Variants in CYP2C18 observed in about 807,000 individuals in gnomAD.
CYP2C18 encodes the protein cytochrome P450 family 2 subfamily C member 18, also known as cytochrome P450 2C18.
CYP2C18 carries 38 observed loss-of-function variants against 41.3 expected under a neutral mutation model. That is an observed-to-expected ratio of 0.92 (90% confidence interval 0.71 to 1.21). The LOEUF (loss-of-function observed/expected upper bound fraction) is 1.21, where lower values mean the gene tolerates loss of function less well. Ranked by LOEUF, CYP2C18 falls within the 50% of genes most tolerant of loss-of-function variation. The probability of loss-of-function intolerance (pLI) is 0.00; values close to 1 mark genes in which losing one functional copy is unlikely to be tolerated. For missense variants in CYP2C18, 635 were observed against 591.4 expected (o/e 1.07, Z -0.77); for synonymous variants, 236 against 210.0 (o/e 1.12, Z -1.07).
rs760761727 is a variant in CYP2C18, at chr10:94,733,317, C to T, written c.1170C>T (p.Ser390=). 3 of 1,612,792 alleles carry T rather than the reference C, an allele frequency of 1.9e-6. No individual in the cohort carries two copies. Among genetic ancestry groups the T allele is most frequent in the East Asian group, 2.2e-5 (1 of 44,812 alleles). Residue 390 remains serine, a synonymous_variant, in exon 8 of 9, where the codon TCC becomes TCT. Transcript: ENST00000285979. ...TTCAGGGCACGACCATAATAACATCCCTGACTTCTGTGCTGCACAATGACA... is the reference window on the plus strand; with the variant it reads ...TTCAGGGCACGACCATAATAACATCTCTGACTTCTGTGCTGCACAATGACA... ...LIPKGTTIIT[S]LTSVLHNDKE...
At chr10:94,732,623 A>T (rs985433438) in intron 7 of CYP2C18, among the ~76,000 whole-genome samples, 10 of 152,212 alleles carry the variant, frequency 6.6e-5, no homozygotes, top group African/African-American at 2.4e-4. Context: ...CAAATACACC[A>T]GGAAACCCTA....
At chr10:94,723,155 T>C (rs754408202) in intron 6 of CYP2C18, among the ~76,000 whole-genome samples, 2 of 152,156 alleles carry the variant, frequency 1.3e-5, no homozygotes, top group Non-Finnish European at 2.9e-5. Context: ...TATTTTCAGA[T>C]CTGCATTTGG....
In CYP2C18 at chr10:94,683,841, G is replaced by A. The variant is rs779070771; in HGVS notation, c.22G>A (p.Val8Met). 11 of 1,605,402 alleles carry A rather than the reference G, an allele frequency of 6.9e-6. No homozygotes were observed. The Admixed American group carries it at 1.4e-4, about 20-fold the overall frequency. MDPAVAL[V>M]LCLSCLFLLS... ...TTCAATGGATCCAGCTGTGGCTCTG[G>A]TGCTCTGTCTCTCCTGTTTGTTTCT... Residue 8 changes from valine (V) to methionine (M), a missense_variant, in exon 1 of 9, where the codon GTG (valine) becomes ATG (methionine). Val to Met is a conservative substitution (Grantham distance 21, BLOSUM62 1). Coordinates refer to ENST00000285979, the MANE Select transcript of CYP2C18 (RefSeq NM_000772.3).
At position 94,707,586 on chromosome 10, in the gene CYP2C18, G is replaced by A. The variant is rs113474070; in HGVS notation, c.819+626G>A. On this transcript the variant is annotated intron_variant, in intron 5 of 8. Coordinates refer to ENST00000285979, the MANE Select transcript of CYP2C18 (RefSeq NM_000772.3). ...GTGAGCCCTAACAAGAGTGGGATGC[G>A]TATAATTATTAGAGAAAATAATCCT... Among the ~76,000 whole-genome samples the A allele has an allele frequency of 4.0e-3, 604 of 152,180 alleles. 3 individuals carry two copies. The highest frequency in any genetic ancestry group is 0.013 in the African/African-American group (542 of 41,522).
At chr10:94,721,573 G>A (rs1308353948) in intron 6 of CYP2C18, among the ~76,000 whole-genome samples, 1 of 151,928 alleles carries the variant, frequency 6.6e-6, no homozygotes, top group African/African-American at 2.4e-5. Context: ...AGTGTACATT[G>A]TTCCCAATAG....
chr10:94,732,890 ACCT>A (rs1564650362), intron 7 of CYP2C18, among the ~76,000 whole-genome samples: 1 of 152,022 alleles, frequency 6.6e-6, no homozygotes, highest in Non-Finnish European at 1.5e-5. Context: ...TGTACCCTAA[ACCT>A]CAGCATCACA....
At chr10:94,718,851 C>A (rs12771899) in intron 5 of CYP2C18, among the ~76,000 whole-genome samples, 30,475 of 152,006 alleles carry the variant, frequency 0.2, 3,250 homozygotes, top group Middle Eastern at 0.23. Flanking sequence ...CTGTGGGGAA[C>A]CTTAGAGTTA....
At chr10:94,702,882 G>A (rs973107365) in intron 4 of CYP2C18, among the ~76,000 whole-genome samples, 2 of 152,062 alleles carry the variant, frequency 1.3e-5, no homozygotes, top group African/African-American at 2.4e-5. Flanking sequence ...TCTACCTTTG[G>A]TCTTTGCTGT....
intron 1 of CYP2C18, among the ~76,000 whole-genome samples, chr10:94,686,355 T>C (rs1007232958): frequency 6.6e-6 from 1 of 152,200 alleles, no homozygotes; most frequent in African/African-American, 2.4e-5. Flanking sequence ...ACTTCATCCT[T>C]TCCTACATGA....
At chr10:94,687,741 A>G (rs1846916192) in intron 1 of CYP2C18, 29 bp from the exon 2 acceptor site, 3 of 1,595,126 alleles carry the variant, frequency 1.9e-6, no homozygotes, top group South Asian at 1.1e-5. Context: ...GAGTTTTGCT[A>G]CTATTTGAAC....
chr10:94,714,086 CAGATGAGT>C (rs1847496336), intron 5 of CYP2C18, among the ~76,000 whole-genome samples: 1 of 152,122 alleles, frequency 6.6e-6, no homozygotes, highest in Non-Finnish European at 1.5e-5. Flanking sequence ...AGCCCTTTGT[CAGATGAGT>C]AGATTGCAAA....
chr10:94,692,433 C>G (rs1244208077), intron 3 of CYP2C18, among the ~76,000 whole-genome samples: 1 of 151,828 alleles, frequency 6.6e-6, no homozygotes, highest in Non-Finnish European at 1.5e-5. Context: ...CTCATCATCA[C>G]TGGCCATCAG....
At chr10:94,695,331 C>T (rs1847095990) in intron 4 of CYP2C18, among the ~76,000 whole-genome samples, 1 of 151,950 alleles carries the variant, frequency 6.6e-6, no homozygotes, top group South Asian at 2.1e-4. Flanking sequence ...TGTGATGTTC[C>T]CCTCCCTGTG....
Position 94,733,250 on chromosome 10 carries a change from C to G in CYP2C18, c.1150-47C>G, listed in dbSNP as rs758107663. ...AGGTGATTTCCATCACTTCTTCCCA[C>G]TCTTTGACTTCTTTATAACTTAGTT... On this transcript the variant is annotated intron_variant, in intron 7 of 8. Coordinates refer to ENST00000285979, the MANE Select transcript of CYP2C18 (RefSeq NM_000772.3). 3.8e-6 allele frequency: 6 copies of G among 1,575,846 alleles called. No homozygotes were observed. In the South Asian group the frequency reaches 6.9e-5, roughly 18 times the overall value.
intron 3 of CYP2C18, among the ~76,000 whole-genome samples, chr10:94,690,547 T>C (rs1846979387): frequency 6.6e-6 from 1 of 152,094 alleles, no homozygotes; most frequent in African/African-American, 2.4e-5. Context: ...AATTAATAGC[T>C]TACCAACCAA....
chr10:94,691,768 A>G lies in CYP2C18; in HGVS notation c.482-3149A>G, dbSNP rs1432098611. Among the ~76,000 whole-genome samples the G allele has an allele frequency of 4.6e-5, 7 of 152,226 alleles. No individual in the cohort carries two copies. In the East Asian group the frequency reaches 1.3e-3, roughly 29 times the overall value. ...TGGAGGCATCACACCACCTGACTTCAAACTATACTACAAGGCTACAGTAAC... is the reference window on the plus strand; with the variant it reads ...TGGAGGCATCACACCACCTGACTTCGAACTATACTACAAGGCTACAGTAAC... On this transcript the variant is annotated intron_variant, in intron 3 of 8. Coordinates refer to ENST00000285979, the MANE Select transcript of CYP2C18 (RefSeq NM_000772.3).
chr10:94,709,976 A>G (rs760715762), intron 5 of CYP2C18, among the ~76,000 whole-genome samples: 1 of 152,026 alleles, frequency 6.6e-6, no homozygotes, highest in Non-Finnish European at 1.5e-5. Context: ...TTATGCCAGT[A>G]TGACAGTACT....
chr10:94,704,203 A>G (rs1262594835), intron 4 of CYP2C18, among the ~76,000 whole-genome samples: 1 of 152,132 alleles, frequency 6.6e-6, no homozygotes, highest in Non-Finnish European at 1.5e-5. Context: ...CCAGTCCAGA[A>G]CTTTGTATGT....
intron 8 of CYP2C18, among the ~76,000 whole-genome samples, chr10:94,733,952 A>G (rs11188067): frequency 0.2 from 30,460 of 151,850 alleles, 3,251 homozygotes; most frequent in Middle Eastern, 0.23. Flanking sequence ...GCCAGAGGGG[A>G]AAGCGCAGGA....
Sources: allele counts gnomAD v4.1 joint callset (sites outside exome capture counted in the v4.1 genomes callset), GRCh38; gene constraint gnomAD v4.1.1; transcripts MANE v1.5; gene names NCBI Gene and HGNC (gene_info 2026-07-23, HGNC 2026-07-21).